The following ASH1L variants were observed in gnomAD, a reference collection of about 807,000 sequenced individuals.
ASH1L encodes the protein histone-lysine N-methyltransferase ASH1L.
In ASH1L, 23 loss-of-function variants were observed where a neutral mutation model predicts 269.0. That is an observed-to-expected ratio of 0.09 (90% CI 0.06 to 0.12). The LOEUF (loss-of-function observed/expected upper bound fraction) is 0.12. Among genes scored for constraint, ASH1L ranks in the 10% least tolerant of loss-of-function variants. ASH1L has a pLI of 1.00. For missense variants in ASH1L, 2,912 were observed against 3,567.8 expected (o/e 0.82, Z 4.68); for synonymous variants, 1,187 against 1,253.5 (o/e 0.95, Z 1.12).
chr1:155,360,867 T>G (rs1654880541), intron 12 of ASH1L, among the ~76,000 whole-genome samples: 1 of 152,164 alleles, frequency 6.6e-6, no homozygotes, highest in Admixed American at 6.6e-5. Context: ...TCCTGCTTGG[T>G]ATTCAAAGTC....
Position 155,479,024 on chromosome 1 carries a change from T to C in ASH1L, c.3846A>G (p.Arg1282=), listed in dbSNP as rs764188462. The change falls in exon 3 of 28, where the codon AGA becomes AGG. Residue 1282 remains arginine (R), a synonymous_variant. Transcript: ENST00000392403. ...RKKKYPQLRN[R]QDPDFIAELE... is the part of the protein sequence containing the mutation. ...GCTCTGCAATAAAGTCTGGATCCTG[T>C]CTATTTCGAAGCTGGGGATATTTCT... is the stretch of plus-strand genomic sequence containing the variant. The C allele has an allele frequency of 4.3e-6, 7 of 1,613,732 alleles. No individual in the cohort carries two copies. The highest frequency in any genetic ancestry group is 5.9e-6 in the Non-Finnish European group (7 of 1,180,032).
chr1:155,545,002 G>A (rs773611666), intron 1 of ASH1L, among the ~76,000 whole-genome samples: 3 of 150,448 alleles, frequency 2.0e-5, no homozygotes, highest in Non-Finnish European at 4.4e-5. Flanking sequence ...GAGAAACCCC[G>A]TCTCTACTAA....
At chr1:155,538,700 T>C (rs1423332504) in intron 1 of ASH1L, among the ~76,000 whole-genome samples, 2 of 143,394 alleles carry the variant, frequency 1.4e-5, no homozygotes, top group African/African-American at 5.1e-5. Context: ...TGGGGTACAG[T>C]GGCATAATAA....
At chr1:155,544,607 A>G (rs1042032327) in intron 1 of ASH1L, among the ~76,000 whole-genome samples, 3 of 152,134 alleles carry the variant, frequency 2.0e-5, no homozygotes, top group African/African-American at 7.2e-5. Context: ...TCTTAGGCAA[A>G]TCAGGAAACT....
At chr1:155,413,820 C>G (rs903759729) in intron 6 of ASH1L, among the ~76,000 whole-genome samples, 2 of 151,926 alleles carry the variant, frequency 1.3e-5, no homozygotes, top group Admixed American at 1.3e-4. Flanking sequence ...GAACTTTGAA[C>G]TACATACTTC....
intron 7 of ASH1L, among the ~76,000 whole-genome samples, chr1:155,393,569 T>C (rs1039241917): frequency 2.6e-5 from 4 of 151,808 alleles, no homozygotes; most frequent in African/African-American, 9.7e-5. Flanking sequence ...TTTTTTTTTT[T>C]TTTGAGACTG....
In ASH1L at chr1:155,338,189, T is replaced by G; in HGVS notation, c.8703A>C (p.Glu2901Asp). 1 of 1,613,994 alleles carries G rather than the reference T, an allele frequency of 6.2e-7. No individual in the cohort carries two copies. Among genetic ancestry groups the G allele is most frequent in the Non-Finnish European group, 8.5e-7 (1 of 1,179,980 alleles). Residue 2901 changes from glutamate to aspartate, a missense_variant, in exon 27 of 28, where the codon GAA becomes GAC. By Grantham distance (45) the Glu-to-Asp change is conservative. This residue lies in a region of ASH1L where 154 missense variants were observed against 165.0 expected (regional missense o/e 0.93). Transcript: ENST00000392403. ...CCTCAGGGGTACAGGTTGACTGGGG[T>G]TCTTGACTACTTTCCTCTGTTTTTT... is the stretch of plus-strand genomic sequence containing the variant. ...GEKKTEESSQ[E>D]PQSTCTPEER...
intron 10 of ASH1L, among the ~76,000 whole-genome samples, chr1:155,375,049 A>G (rs974817906): frequency 6.6e-6 from 1 of 152,050 alleles, no homozygotes; most frequent in African/African-American, 2.4e-5. Flanking sequence ...CCTGACCTCA[A>G]GTGATCTGCC....
At chr1:155,349,514 C>G in intron 18 of ASH1L, 28 bp downstream of exon 18, 1 of 1,614,000 alleles carries the variant, frequency 6.2e-7, no homozygotes, top group Non-Finnish European at 8.5e-7. Context: ...TTTAAAAACT[C>G]AGATGATTCC....
intron 2 of ASH1L, among the ~76,000 whole-genome samples, chr1:155,486,711 C>G (rs541585773): frequency 6.6e-6 from 1 of 152,198 alleles, no homozygotes; most frequent in Non-Finnish European, 1.5e-5. Flanking sequence ...CCATTCATTA[C>G]TTTTATACTT....
rs776241063 is a variant in ASH1L, at chr1:155,480,987, C to G, written c.1883G>C (p.Gly628Ala). 4 of 1,613,936 alleles carry G rather than the reference C, an allele frequency of 2.5e-6. No homozygotes were observed. The highest frequency in any genetic ancestry group is 3.4e-6 in the Non-Finnish European group (4 of 1,179,956). ...VGHSISIECK[G>A]IDKEVNDSKT... ...TGAATCATTTACCTCTTTATCAATC[C>G]CTTTACATTCAATACTTATACTATG... Residue 628 changes from glycine (G) to alanine (A), a missense_variant, in exon 3 of 28, where the codon GGG becomes GCG. Gly to Ala is a moderately conservative substitution (Grantham distance 60, BLOSUM62 0). This residue lies in a region of ASH1L where 715 missense variants were observed against 721.0 expected (regional missense o/e 0.99). Coordinates refer to ENST00000392403, the MANE Select transcript of ASH1L (RefSeq NM_018489.3).
At chr1:155,369,701 A>G (rs1189963496) in intron 12 of ASH1L, among the ~76,000 whole-genome samples, 1 of 152,188 alleles carries the variant, frequency 6.6e-6, no homozygotes, top group Non-Finnish European at 1.5e-5. Flanking sequence ...GAGTGGCTGA[A>G]TGAACTGATA....
chr1:155,404,467 A>G (rs1571118880), intron 6 of ASH1L, among the ~76,000 whole-genome samples: 1 of 152,160 alleles, frequency 6.6e-6, no homozygotes, highest in African/African-American at 2.4e-5. Flanking sequence ...TGAGGCCAGG[A>G]GCTCAAGACC....
At chr1:155,406,894 T>A (rs777015738) in intron 6 of ASH1L, among the ~76,000 whole-genome samples, 8 of 152,198 alleles carry the variant, frequency 5.3e-5, no homozygotes, top group Non-Finnish European at 1.2e-4. Flanking sequence ...AAATCGAGGA[T>A]AGAATTTCCC....
At chr1:155,401,191 C>A (rs568623658) in intron 6 of ASH1L, among the ~76,000 whole-genome samples, 2 of 151,286 alleles carry the variant, frequency 1.3e-5, no homozygotes, top group African/African-American at 4.9e-5. Context: ...AAAAGATCGC[C>A]GGTGGCCGGG....
At chr1:155,354,664 AT>A in intron 15 of ASH1L, 34 bp from the exon 16 acceptor site, 1 of 1,592,086 alleles carries the variant, frequency 6.3e-7, no homozygotes, top group Non-Finnish European at 8.6e-7. Context: ...TCCTTTATTC[AT>A]TAATTAAATA....
intron 6 of ASH1L, among the ~76,000 whole-genome samples, chr1:155,402,529 G>A (rs1305382847): frequency 6.6e-6 from 1 of 152,164 alleles, no homozygotes; most frequent in Admixed American, 6.6e-5. Context: ...AAATGGTCCA[G>A]ACAAGTTATC....
rs752443225 is a variant in ASH1L, at chr1:155,562,316, G to A, written c.-263C>T. ...GCTGACTGGCGGAAATGCGAGAGAG[G>A]AGAAGGGAAAGGTGGAAGGCTAAAG... On this transcript the variant is annotated 5_prime_UTR_variant, in exon 1 of 28. Transcript: ENST00000392403. 1.3e-6 allele frequency: 2 copies of A among 1,585,262 alleles called. No individual in the cohort carries two copies. The highest frequency in any genetic ancestry group is 1.7e-6 in the Non-Finnish European group (2 of 1,156,282).
chr1:155,512,662 G>A (rs1023810907), intron 2 of ASH1L, among the ~76,000 whole-genome samples: 6 of 151,434 alleles, frequency 4.0e-5, no homozygotes, highest in Admixed American at 3.9e-4. Context: ...ATATTGTTCA[G>A]GCTGGTCTCA....
Sources: gnomAD v4.1 joint callset for allele counts (sites outside exome capture counted in the v4.1 genomes callset) on GRCh38, gnomAD v4.1.1 for gene constraint, gnomAD v4.1.1 regional missense constraint, MANE v1.5 for transcripts, NCBI Gene and HGNC (gene_info 2026-07-23, HGNC 2026-07-21) for gene names.